The following NHERF2 variants were observed in gnomAD, a reference collection of about 807,000 sequenced individuals.
The protein encoded by NHERF2 is NHERF family PDZ scaffold protein 2, also known as Na(+)/H(+) exchange regulatory cofactor NHE-RF2.
chr16:2,029,596 C>G, the NHERF2 span: 18 of 1,576,938 alleles, frequency 1.1e-5, no homozygotes, highest in Non-Finnish European at 1.5e-5. Context: ...TGCAAAGGAT[C>G]AAGGCTGTGG....
the NHERF2 span, among the ~76,000 whole-genome samples, chr16:2,037,308 G>A: frequency 6.6e-6 from 1 of 152,168 alleles, no homozygotes; most frequent in African/African-American, 2.4e-5. Flanking sequence ...TGCTCACGCC[G>A]GCCATTCCTG....
At chr16:2,036,875 G>A in the NHERF2 span, 60 of 1,609,116 alleles carry the variant, frequency 3.7e-5, no homozygotes, top group Admixed American at 2.2e-4. Context: ...CGAGGAGCAC[G>A]TGGAAGGTGG....
chr16:2,031,982 G>A, the NHERF2 span, among the ~76,000 whole-genome samples: 5 of 151,192 alleles, frequency 3.3e-5, no homozygotes, highest in Admixed American at 2.6e-4. Flanking sequence ...GTGAGCCACT[G>A]TACCCGGCCC....
the NHERF2 span, chr16:2,037,449 A>C: frequency 2.5e-6 from 3 of 1,216,484 alleles, no homozygotes; most frequent in Admixed American, 6.0e-5. Flanking sequence ...AGGAGCACAC[A>C]CTGGGGGGGG....
At chr16:2,035,635 T>C in the NHERF2 span, 2 of 986,246 alleles carry the variant, frequency 2.0e-6, no homozygotes. Context: ...AGGTGGTCAT[T>C]GGGCCTGGCC....
At chr16:2,027,649 A>G in the NHERF2 span, among the ~76,000 whole-genome samples, 1 of 152,082 alleles carries the variant, frequency 6.6e-6, no homozygotes, top group South Asian at 2.1e-4. Flanking sequence ...GCCTGTGCGT[A>G]CCCAGGAGGG....
At chr16:2,035,501 C>G in the NHERF2 span, 1 of 986,390 alleles carries the variant, frequency 1.0e-6, no homozygotes, top group Non-Finnish European at 1.2e-6. Context: ...TGCGCACGCC[C>G]TCAAGCTTGG....
At chr16:2,032,947 G>C in the NHERF2 span, 1 of 1,089,926 alleles carries the variant, frequency 9.2e-7, no homozygotes, top group Admixed American at 4.9e-5. This position sits in a 1 kb window ranked among gnomAD's most constrained non-coding sequence, Gnocchi z 4.0. Flanking sequence ...TGCGGGAGGC[G>C]GCTGTGTGGT....
the NHERF2 span, among the ~76,000 whole-genome samples, chr16:2,031,471 A>G: frequency 6.6e-6 from 1 of 152,136 alleles, no homozygotes; most frequent in Non-Finnish European, 1.5e-5. Flanking sequence ...CTGTGGAAAA[A>G]TCCGGCCCTC....
At chr16:2,036,336 C>T in the NHERF2 span, 10 of 1,608,602 alleles carry the variant, frequency 6.2e-6, no homozygotes, top group Admixed American at 1.7e-5. Flanking sequence ...TGTCAGTGGG[C>T]CCCTGAGGGA....
the NHERF2 span, among the ~76,000 whole-genome samples, chr16:2,034,273 C>T: frequency 4.6e-5 from 7 of 152,176 alleles, no homozygotes; most frequent in Non-Finnish European, 1.0e-4. Context: ...CACGCTCCCA[C>T]CTCCTCCACT....
chr16:2,034,905 T>C, the NHERF2 span, among the ~76,000 whole-genome samples: 1 of 152,132 alleles, frequency 6.6e-6, no homozygotes, highest in Non-Finnish European at 1.5e-5. Context: ...GGGTCAGCCT[T>C]GAAGCCCCAC....
the NHERF2 span, chr16:2,036,501 G>C: frequency 1.1e-4 from 179 of 1,584,076 alleles, no homozygotes; most frequent in Middle Eastern, 1.7e-4. Context: ...CCGGCTCATT[G>C]AGGTACCGGC....
the NHERF2 span, chr16:2,037,938 C>T: frequency 1.2e-6 from 2 of 1,613,464 alleles, no homozygotes; most frequent in South Asian, 1.1e-5. Context: ...AAGCGCGCGC[C>T]ACAGATGGAC....
the NHERF2 span, chr16:2,035,608 C>G: frequency 1.0e-6 from 1 of 986,438 alleles, no homozygotes; most frequent in Non-Finnish European, 1.2e-6. Context: ...CGCACCCTGG[C>G]CCACCCCCTG....
At chr16:2,037,559 T>A in the NHERF2 span, 1 of 1,612,486 alleles carries the variant, frequency 6.2e-7, no homozygotes, top group Non-Finnish European at 8.5e-7. Flanking sequence ...CTCTGCGTGC[T>A]CGTCCCGAAG....
At chr16:2,036,215 C>A in the NHERF2 span, 1 of 1,169,790 alleles carries the variant, frequency 8.5e-7, no homozygotes, top group Non-Finnish European at 1.2e-6. Context: ...CCTGGGCCTG[C>A]CCGTGGGGGG....
chr16:2,037,557 G>A, the NHERF2 span: 2 of 1,612,308 alleles, frequency 1.2e-6, no homozygotes, highest in Non-Finnish European at 1.7e-6. Flanking sequence ...GGCTCTGCGT[G>A]CTCGTCCCGA....
chr16:2,032,836 G>C, the NHERF2 span: 3 of 1,000,400 alleles, frequency 3.0e-6, no homozygotes. The surrounding 1 kb of genome is among the most constrained non-coding windows in gnomAD (Gnocchi z 4.0). Context: ...CCTGGAGGTG[G>C]TGGCAGACCC....
Sources: gnomAD v4.1 joint callset for allele counts (sites outside exome capture counted in the v4.1 genomes callset) on GRCh38, gnomAD v4.1.1 for gene constraint, Gnocchi (gnomAD v3.1) non-coding constraint, MANE v1.5 for transcripts, NCBI Gene and HGNC (gene_info 2026-07-23, HGNC 2026-07-21) for gene names.